TNKS: variants seen among roughly 807,000 people sequenced by gnomAD.
The protein encoded by TNKS is poly [ADP-ribose] polymerase tankyrase-1.
TNKS carries 72 observed loss-of-function variants against 135.8 expected under a neutral mutation model. That is an observed-to-expected ratio of 0.53 (90% confidence interval 0.44 to 0.64). TNKS has a LOEUF of 0.64. Among genes scored for constraint, TNKS ranks in the 30% least tolerant of loss-of-function variants. TNKS has a pLI of 0.00. For missense variants in TNKS, 1,769 were observed against 1,674.0 expected, an observed-to-expected ratio of 1.06 and a Z score of -0.99; for synonymous variants, 849 against 649.3, an observed-to-expected ratio of 1.31 and a Z score of -4.68.
chr8:9,665,602 C>G (rs1047674191), intron 3 of TNKS, among the ~76,000 whole-genome samples: 36 of 152,212 alleles, frequency 2.4e-4, no homozygotes, highest in African/African-American at 8.7e-4. Context: ...TGTGTTTGAC[C>G]TGTTGTCTTA....
chr8:9,578,436 A>C (rs1160779171), intron 1 of TNKS, among the ~76,000 whole-genome samples: 1 of 152,248 alleles, frequency 6.6e-6, no homozygotes, highest in Non-Finnish European at 1.5e-5. Flanking sequence ...TTACTGATTC[A>C]GTTACTAATA....
At chr8:9,744,413 T>A (rs1266337150) in intron 17 of TNKS, among the ~76,000 whole-genome samples, 1 of 152,234 alleles carries the variant, frequency 6.6e-6, no homozygotes, top group Non-Finnish European at 1.5e-5. Flanking sequence ...TTTCATGACA[T>A]AATTGTAATA....
chr8:9,582,407 A>G (rs1249487102), intron 2 of TNKS, among the ~76,000 whole-genome samples: 4 of 152,152 alleles, frequency 2.6e-5, no homozygotes, highest in African/African-American at 9.7e-5. Flanking sequence ...TTTTGCCTAG[A>G]TGATGAAATA....
chr8:9,750,923 T>C (rs935966604), intron 18 of TNKS, among the ~76,000 whole-genome samples: 4 of 152,230 alleles, frequency 2.6e-5, no homozygotes, highest in African/African-American at 9.6e-5. Flanking sequence ...CCCAAACTTC[T>C]GTACAACATG....
At chr8:9,770,325 G>GGGCGCGGTGGCTCACGCC in intron 26 of TNKS, 63 bp downstream of exon 26, 2 of 1,501,932 alleles carry the variant, frequency 1.3e-6, no homozygotes, top group Non-Finnish European at 1.8e-6. Context: ...CACAGAGACC[G>GGGCGCGGTGGCTCACGCC]TGTAAGACTT....
At chr8:9,691,115 C>T (rs1276120892) in intron 5 of TNKS, among the ~76,000 whole-genome samples, 1 of 152,170 alleles carries the variant, frequency 6.6e-6, no homozygotes, top group Non-Finnish European at 1.5e-5. Flanking sequence ...AGAAGGTAGT[C>T]AGAAAATTCT....
intron 3 of TNKS, among the ~76,000 whole-genome samples, chr8:9,622,493 C>G (rs988302765): frequency 1.3e-5 from 2 of 152,134 alleles, no homozygotes; most frequent in Non-Finnish European, 2.9e-5. Context: ...TAAGTTACTT[C>G]TAAGTTCACA....
intron 3 of TNKS, among the ~76,000 whole-genome samples, chr8:9,642,191 G>A (rs935814230): frequency 2.1e-5 from 3 of 146,200 alleles, no homozygotes; most frequent in African/African-American, 7.6e-5. Flanking sequence ...ATTTGCAGAC[G>A]CCATTATACA....
At chr8:9,727,257 T>C (rs1369335237) in intron 13 of TNKS, among the ~76,000 whole-genome samples, 1 of 152,248 alleles carries the variant, frequency 6.6e-6, no homozygotes, top group Non-Finnish European at 1.5e-5. Flanking sequence ...TCAAAAATTT[T>C]ATCAGTCTGT....
At chr8:9,582,352 A>G (rs780099942) in intron 2 of TNKS, among the ~76,000 whole-genome samples, 4 of 151,966 alleles carry the variant, frequency 2.6e-5, no homozygotes, top group Non-Finnish European at 5.9e-5. Flanking sequence ...GCTGGAGTCT[A>G]GTAGTTTTTG....
chr8:9,640,211 T>C (rs931912559), intron 3 of TNKS, among the ~76,000 whole-genome samples: 12 of 152,202 alleles, frequency 7.9e-5, no homozygotes, highest in African/African-American at 2.2e-4. Context: ...TCTCACAATT[T>C]CTCACAAATT....
intron 17 of TNKS, among the ~76,000 whole-genome samples, chr8:9,743,029 C>T (rs1370343403): frequency 2.6e-5 from 4 of 152,036 alleles, no homozygotes; most frequent in Non-Finnish European, 5.9e-5. Context: ...TTAATGAAAT[C>T]ATAGGACTCC....
chr8:9,722,059 CA>C (rs752434732), intron 12 of TNKS, among the ~76,000 whole-genome samples: 16 of 47,284 alleles, frequency 3.4e-4, no homozygotes, highest in South Asian at 1.2e-3. Context: ...TCCATCTCAA[CA>C]AAAAAAAAAG....
chr8:9,721,257 GGAGACAGAGTGAAACTCT>G (rs1804865710), intron 12 of TNKS, among the ~76,000 whole-genome samples: 1 of 128,502 alleles, frequency 7.8e-6, no homozygotes, highest in African/African-American at 2.8e-5. Context: ...ACTCCAGCCT[GGAGACAGAGTGAAACTCT>G]GTCTCAAAAA....
chr8:9,612,496 C>T (rs1403435701), intron 2 of TNKS, among the ~76,000 whole-genome samples: 1 of 152,068 alleles, frequency 6.6e-6, no homozygotes, highest in African/African-American at 2.4e-5. Context: ...GTAGGCCAAA[C>T]CCAGCCTATC....
chr8:9,719,664 T>C (rs530310873), intron 11 of TNKS, among the ~76,000 whole-genome samples: 11 of 152,230 alleles, frequency 7.2e-5, no homozygotes, highest in Admixed American at 6.5e-5. Context: ...GAACGTGGAC[T>C]TGGGTCTGAC....
intron 5 of TNKS, among the ~76,000 whole-genome samples, chr8:9,697,116 G>C (rs1262335584): frequency 3.3e-5 from 5 of 152,088 alleles, no homozygotes; most frequent in Admixed American, 6.5e-5. Context: ...TAGACTGATG[G>C]AATGGAATAG....
At chr8:9,706,146 G>A in intron 6 of TNKS, 41 bp from the exon 7 acceptor site, 9 of 1,459,918 alleles carry the variant, frequency 6.2e-6, no homozygotes, top group Non-Finnish European at 8.4e-6. Context: ...TAAATAAGTT[G>A]TTTGAAATTT....
chr8:9,690,373 G>C (rs1803208342), intron 5 of TNKS, among the ~76,000 whole-genome samples: 1 of 152,142 alleles, frequency 6.6e-6, no homozygotes, highest in Non-Finnish European at 1.5e-5. Context: ...TGGATTTCTT[G>C]TTCAATCTTA....
Sources: allele counts gnomAD v4.1 joint callset (sites outside exome capture counted in the v4.1 genomes callset), GRCh38; gene constraint gnomAD v4.1.1; transcripts MANE v1.5; gene names NCBI Gene and HGNC (gene_info 2026-07-23, HGNC 2026-07-21).